The following PPP1R37 variants were observed in gnomAD, a reference collection of about 807,000 sequenced individuals.
The protein encoded by PPP1R37 is leucine rich repeat containing 68.
Under a neutral mutation model 61.0 loss-of-function variants are expected in PPP1R37, and 21 were observed. The ratio of observed to expected loss-of-function variants is 0.34; its 90% CI spans 0.24 to 0.50. The LOEUF is 0.50. Ranked by LOEUF, PPP1R37 falls within the 20% of genes least tolerant of loss-of-function variation. The pLI, the probability that PPP1R37 is intolerant of heterozygous loss-of-function variation, is 0.98. For missense variants in PPP1R37, 910 were observed against 952.7 expected, an observed-to-expected ratio of 0.96 and a Z score of 0.59; for synonymous variants, 443 against 433.5, an observed-to-expected ratio of 1.02 and a Z score of -0.27.
chr19:45,099,247 C>G (rs1968032098), intron 1 of PPP1R37, among the ~76,000 whole-genome samples: 1 of 152,194 alleles, frequency 6.6e-6, no homozygotes, highest in Admixed American at 6.5e-5. Context: ...GGCTGGGTGC[C>G]CCAGCAGTCC....
chr19:45,140,257 C>T lies in PPP1R37; in HGVS notation c.322C>T (p.Arg108Cys), dbSNP rs1968593136. Reference protein sequence around the residue: ...QLQEFTDLGHRLDCLDLKGEK... With the variant: ...QLQEFTDLGHCLDCLDLKGEK... ...TCAGGAATTCACAGACCTCGGGCAC[C>T]GCCTCGACTGTCTGGACCTGAAAGG... The change falls in exon 3 of 13, where the codon CGC becomes TGC. Residue 108 changes from arginine to cysteine, a missense_variant. By Grantham distance (180) the Arg-to-Cys change is radical. This residue lies in a region of PPP1R37 where 280 missense variants were observed against 382.2 expected (regional missense o/e 0.73). Coordinates refer to ENST00000221462, the MANE Select transcript of PPP1R37 (RefSeq NM_019121.2). The T allele has an allele frequency of 6.5e-7, 1 of 1,536,094 alleles. No homozygotes were observed. Among genetic ancestry groups the T allele is most frequent in the Non-Finnish European group, 8.7e-7 (1 of 1,146,868 alleles).
In PPP1R37 at chr19:45,143,574, C is replaced by T. The variant is rs1968642153; in HGVS notation, c.928C>T (p.Leu310=). Residue 310 remains leucine, a synonymous_variant, in exon 8 of 13, where the codon CTG becomes TTG. Transcript: ENST00000221462. ...GGAGCAGAGGAAGGGGCTGGTGACCCTGGTGCTGTGGAACAACCAGCTCAC... is the reference window on the plus strand; with the variant it reads ...GGAGCAGAGGAAGGGGCTGGTGACCTTGGTGCTGTGGAACAACCAGCTCAC... ...LKEQRKGLVT[L]VLWNNQLTHT... is the part of the protein sequence containing the mutation. The T allele has an allele frequency of 6.5e-7, 1 of 1,535,970 alleles. No homozygotes were observed. Among genetic ancestry groups the T allele is most frequent in the Non-Finnish European group, 8.7e-7 (1 of 1,146,772 alleles).
chr19:45,122,408 C>T (rs922032420), intron 1 of PPP1R37, among the ~76,000 whole-genome samples: 1 of 152,192 alleles, frequency 6.6e-6, no homozygotes, highest in African/African-American at 2.4e-5. Flanking sequence ...TCAGTCAACA[C>T]ATATTTATTG....
At chr19:45,095,413 C>T (rs553871311) in intron 1 of PPP1R37, among the ~76,000 whole-genome samples, 13 of 152,108 alleles carry the variant, frequency 8.5e-5, no homozygotes, top group African/African-American at 2.9e-4. Flanking sequence ...CTGGGATTAC[C>T]GGCATGAGCC....
In PPP1R37 at chr19:45,145,722, C is replaced by T. The variant is rs959238946; in HGVS notation, c.1666C>T (p.Arg556Trp). Residue 556 changes from arginine (R) to tryptophan (W), a missense_variant, in exon 11 of 13, where the codon CGG becomes TGG. Arg to Trp is a moderately radical substitution (Grantham distance 101, BLOSUM62 -3). Transcript: ENST00000221462. ...PGSPSTPTEQRISVSSPGRGH... is the reference protein window; with the variant it reads ...PGSPSTPTEQWISVSSPGRGH... ...CAGCCCCTCCACACCCACCGAGCAG[C>T]GGATTTCCGTGTCCAGCCCGGGCCG... 30 of 1,533,488 alleles carry T rather than the reference C, an allele frequency of 2.0e-5. No homozygotes were observed. The African/African-American group carries it at 2.6e-4, about 13-fold the overall frequency. The allele number at this position is 1,533,488 out of a possible 1,614,324, so 95.0% of individuals were successfully genotyped here.
intron 1 of PPP1R37, among the ~76,000 whole-genome samples, chr19:45,127,988 A>T (rs561992934): frequency 0.014 from 2,169 of 152,084 alleles, 31 homozygotes; most frequent in Non-Finnish European, 0.018. Flanking sequence ...AAAAAAAAAA[A>T]AAAAAGATAA....
chr19:45,145,586 C>T lies in PPP1R37; in HGVS notation c.1530C>T (p.Asp510=), dbSNP rs537873249. The T allele has an allele frequency of 3.9e-6, 6 of 1,535,944 alleles. No homozygotes were observed. In the Admixed American group the frequency reaches 5.9e-5, roughly 15 times the overall value. ...GCCCGGACTCAGACTCAGACTCGGA[C>T]TCGGATGGGGAGGAAGAGGAGGAAG... ...APSPDSDSDS[D]SDGEEEEEEE... is the part of the protein sequence containing the mutation. The change falls in exon 11 of 13, where the codon GAC becomes GAT. Residue 510 remains aspartate (D), a synonymous_variant. Transcript: ENST00000221462.
chr19:45,143,103 G>C (rs1968635602), intron 7 of PPP1R37: 2 of 170,936 alleles, frequency 1.2e-5, no homozygotes, highest in South Asian at 2.9e-4. Context: ...GTCGGCCCCT[G>C]GGCTCAGCTC....
At position 45,146,517 on chromosome 19, in the gene PPP1R37, A is replaced by T. The variant is rs535707799; in HGVS notation, c.*8+37A>T. 34 of 1,396,102 alleles carry T rather than the reference A, an allele frequency of 2.4e-5. No homozygotes were observed. The East Asian group carries it at 8.0e-4, about 33-fold the overall frequency. 86.5% of individuals were successfully genotyped at this position (1,396,102 alleles called of 1,614,324 possible). A position where few individuals can be genotyped will look rare whatever the true frequency, so the allele number is the denominator to read the frequency against. On this transcript the variant is annotated intron_variant, in intron 12 of 12. Coordinates refer to ENST00000221462, the MANE Select transcript of PPP1R37 (RefSeq NM_019121.2). ...CCCGGGGCCCACAGCACTCGGGAGG[A>T]GCTGAGAGAGCCTCTGGCTCTGACA...
intron 1 of PPP1R37, among the ~76,000 whole-genome samples, chr19:45,136,612 G>C (rs1352932407): frequency 6.6e-6 from 1 of 152,138 alleles, no homozygotes; most frequent in Non-Finnish European, 1.5e-5. Flanking sequence ...TGCAAGAGGG[G>C]CACCTGCCAT....
chr19:45,128,675 GC>G, intron 1 of PPP1R37: 1 of 1,195,662 alleles, frequency 8.4e-7, no homozygotes, highest in Non-Finnish European at 1.2e-6. Context: ...TCAAAGGCTG[GC>G]CCTGTAAGGT....
At chr19:45,143,839 T>C in intron 8 of PPP1R37, 1 of 375,994 alleles carries the variant, frequency 2.7e-6, no homozygotes, top group East Asian at 5.0e-5. Context: ...ATTATCTCCT[T>C]TTTTTTTTTG....
chr19:45,093,359 C>A lies in PPP1R37; in HGVS notation c.34C>A (p.Pro12Thr). Residue 12 changes from proline (P) to threonine (T), a missense_variant, in exon 1 of 13, where the codon CCG (proline) becomes ACG (threonine). This residue lies in a region of PPP1R37 where 81 missense variants were observed against 65.4 expected (regional missense o/e 1.24). Coordinates refer to ENST00000221462, the MANE Select transcript of PPP1R37 (RefSeq NM_019121.2). The stretch of plus-strand genomic sequence containing the variant: ...CGCGCCGCAGGAGGCGCCGCCCGTG[C>A]CGGGCGCGGACGGCGACATTGAAGA... The part of the protein sequence containing the change: ...EIAPQEAPPV[P>T]GADGDIEEAP... The A allele has an allele frequency of 6.6e-7, 1 of 1,506,698 alleles. No homozygotes were observed. The highest frequency in any genetic ancestry group is 8.8e-7 in the Non-Finnish European group (1 of 1,130,884). 93.3% of individuals were successfully genotyped at this position (1,506,698 alleles called of 1,614,324 possible).
chr19:45,139,468 C>T (rs1568449674), intron 2 of PPP1R37, among the ~76,000 whole-genome samples: 5 of 152,256 alleles, frequency 3.3e-5, no homozygotes, highest in African/African-American at 9.6e-5. Flanking sequence ...CCCCCTCCCT[C>T]GGCACCTCTC....
chr19:45,144,941 A>T lies in PPP1R37; in HGVS notation c.1075A>T (p.Ser359Cys). 6.5e-7 allele frequency: 1 copy of T among 1,535,726 alleles called. No individual in the cohort carries two copies. Among genetic ancestry groups the T allele is most frequent in the Non-Finnish European group, 8.7e-7 (1 of 1,146,720 alleles). The stretch of plus-strand genomic sequence containing the variant: ...GCGGCACCTCAAGAACGGGCTCATC[A>T]GCAACCGCAGCGTGCTGCGCCTCGG... Reference protein sequence around the residue: ...GVRHLKNGLISNRSVLRLGLA... With the variant: ...GVRHLKNGLICNRSVLRLGLA... Residue 359 changes from serine (S) to cysteine (C), a missense_variant, in exon 9 of 13, where the codon AGC becomes TGC. Physicochemically the swap from Ser to Cys is moderately radical, Grantham distance 112. Coordinates refer to ENST00000221462, the MANE Select transcript of PPP1R37 (RefSeq NM_019121.2).
chr19:45,110,991 C>G (rs765402832), intron 1 of PPP1R37, among the ~76,000 whole-genome samples: 2 of 152,134 alleles, frequency 1.3e-5, no homozygotes, highest in African/African-American at 4.8e-5. Flanking sequence ...CCCCCTTTCC[C>G]GAGCCTGGCC....
At chr19:45,138,405 AG>A in intron 1 of PPP1R37, 108 bp from the exon 2 acceptor site, 11 of 690,650 alleles carry the variant, frequency 1.6e-5, no homozygotes, top group South Asian at 9.3e-5. Flanking sequence ...TTGTTGGGGG[AG>A]GGCTGAAGAG....
At chr19:45,107,336 T>A (rs1968145360) in intron 1 of PPP1R37, among the ~76,000 whole-genome samples, 1 of 151,938 alleles carries the variant, frequency 6.6e-6, no homozygotes, top group African/African-American at 2.4e-5. Flanking sequence ...GCGCAGTGGC[T>A]CACAATTGTA....
rs186381055 is a variant in PPP1R37, at chr19:45,136,986, G to A, written c.203-1528G>A. On this transcript the variant is annotated intron_variant, in intron 1 of 12. Coordinates refer to ENST00000221462, the MANE Select transcript of PPP1R37 (RefSeq NM_019121.2). ...ACACGGAGATATTACTGGACTGGGA[G>A]CTCTCTCAGGGACTCCCACTGCGTC... is the stretch of plus-strand genomic sequence containing the variant. 10 of 152,350 alleles carry A rather than the reference G, an allele frequency of 6.6e-5. No homozygotes were observed. In the East Asian group the frequency reaches 1.2e-3, roughly 18 times the overall value. The allele number at this position is 152,350 out of a possible 1,614,324, so 9.4% of individuals were successfully genotyped here.
Sources: gnomAD v4.1 joint callset for allele counts (sites outside exome capture counted in the v4.1 genomes callset) on GRCh38, gnomAD v4.1.1 for gene constraint, gnomAD v4.1.1 regional missense constraint, MANE v1.5 for transcripts, NCBI Gene and HGNC (gene_info 2026-07-23, HGNC 2026-07-21) for gene names.